The following KLHL29 variants were observed in gnomAD, a reference collection of about 807,000 sequenced individuals.
KLHL29 encodes the protein kelch-like protein 29.
Under a neutral mutation model 80.4 loss-of-function variants are expected in KLHL29, and 21 were observed. The ratio of observed to expected loss-of-function variants is 0.26; its 90% CI spans 0.19 to 0.38. The LOEUF (loss-of-function observed/expected upper bound fraction) is 0.38, where lower values mean the gene tolerates loss of function less well. KLHL29 is among the 10% of genes least tolerant of loss of function. KLHL29 has a pLI of 1.00. For missense variants in KLHL29, 867 were observed against 1,223.9 expected (o/e 0.71, Z 4.35); for synonymous variants, 511 against 526.8 (o/e 0.97, Z 0.41).
At chr2:23,450,401 T>C (rs190338530) in intron 1 of KLHL29, among the ~76,000 whole-genome samples, 1 of 152,218 alleles carries the variant, frequency 6.6e-6, no homozygotes, top group Non-Finnish European at 1.5e-5. Flanking sequence ...AATAACCTTA[T>C]AGGGCTCTCC....
chr2:23,445,654 G>A (rs774826766), intron 1 of KLHL29, among the ~76,000 whole-genome samples: 6 of 152,190 alleles, frequency 3.9e-5, no homozygotes, highest in Non-Finnish European at 7.3e-5. Context: ...ATGAAAACAG[G>A]TGTAATTTGT....
intron 5 of KLHL29, among the ~76,000 whole-genome samples, chr2:23,646,502 A>G (rs959111862): frequency 1.3e-5 from 2 of 152,240 alleles, no homozygotes; most frequent in African/African-American, 2.4e-5. Context: ...CTTCTAGACC[A>G]GAAAGCAAAG....
intron 1 of KLHL29, among the ~76,000 whole-genome samples, chr2:23,438,678 A>G (rs1663418494): frequency 6.7e-6 from 1 of 149,712 alleles, no homozygotes; most frequent in South Asian, 2.2e-4. Flanking sequence ...ATCGTGGTGG[A>G]TAAGCTTTTT....
intron 3 of KLHL29, among the ~76,000 whole-genome samples, chr2:23,618,431 C>T (rs1170600682): frequency 6.6e-6 from 1 of 152,194 alleles, no homozygotes; most frequent in African/African-American, 2.4e-5. Flanking sequence ...GGGAAGGCCT[C>T]ATCCGATCAG....
rs1477506228 is a variant in KLHL29, at chr2:23,681,022, T to A, written c.941-3377T>A. On this transcript the variant is annotated intron_variant, in intron 5 of 13. Transcript: ENST00000486442. This position sits in a 1 kb window ranked among gnomAD's most constrained non-coding sequence, Gnocchi z 4.2. ...GAAGCTTCTCAGAGATCAGGGAGTG[T>A]CCTTTGCCAAAACATGGGGCAGGGA... Among the ~76,000 whole-genome samples, 1 of 152,200 alleles carries A rather than the reference T, an allele frequency of 6.6e-6. No individual in the cohort carries two copies. Among genetic ancestry groups the A allele is most frequent in the Non-Finnish European group, 1.5e-5 (1 of 68,024 alleles).
At chr2:23,565,135 G>A (rs79094099) in intron 3 of KLHL29, among the ~76,000 whole-genome samples, 3,536 of 152,268 alleles carry the variant, frequency 0.023, 49 homozygotes, top group Middle Eastern at 0.037. Context: ...GTCTCATATT[G>A]GTGCTGACCT....
At chr2:23,626,253 A>G (rs1465420499) in intron 3 of KLHL29, among the ~76,000 whole-genome samples, 2 of 152,184 alleles carry the variant, frequency 1.3e-5, no homozygotes, top group African/African-American at 2.4e-5. Flanking sequence ...ATCTGACAGG[A>G]GGCGGAGCTC....
At chr2:23,586,695 C>T (rs1366650658) in intron 3 of KLHL29, among the ~76,000 whole-genome samples, 1 of 152,150 alleles carries the variant, frequency 6.6e-6, no homozygotes, top group African/African-American at 2.4e-5. Context: ...CGGGGGATGA[C>T]CTCAGGAAAC....
chr2:23,468,483 A>G (rs1664410353), intron 1 of KLHL29, among the ~76,000 whole-genome samples: 2 of 152,196 alleles, frequency 1.3e-5, no homozygotes, highest in Admixed American at 1.3e-4. Flanking sequence ...TGTTCCCATC[A>G]TTCCTCTTTA....
At chr2:23,491,786 G>A (rs74861201) in intron 2 of KLHL29, among the ~76,000 whole-genome samples, 3,261 of 152,194 alleles carry the variant, frequency 0.021, 50 homozygotes, top group South Asian at 0.045. Flanking sequence ...GTGCGACCTC[G>A]CTGAACTCCA....
intron 1 of KLHL29, among the ~76,000 whole-genome samples, chr2:23,452,873 G>A (rs748170091): frequency 6.6e-6 from 1 of 151,686 alleles, no homozygotes; most frequent in African/African-American, 2.4e-5. Context: ...GAGTAAGTGG[G>A]CTCTGTTGAG....
intron 2 of KLHL29, among the ~76,000 whole-genome samples, chr2:23,487,440 A>G (rs147846162): frequency 8.5e-5 from 13 of 152,272 alleles, no homozygotes; most frequent in African/African-American, 7.2e-5. Context: ...GCCTCTGGCT[A>G]TACCCCCTGG....
At chr2:23,671,180 T>A (rs888095041) in intron 5 of KLHL29, among the ~76,000 whole-genome samples, 1 of 151,822 alleles carries the variant, frequency 6.6e-6, no homozygotes, top group African/African-American at 2.4e-5. Flanking sequence ...GTTCACTAAT[T>A]CTTGCAAATC....
rs916325843 is a variant in KLHL29, at chr2:23,700,283, G to GTTGT, written c.2106-2900_2106-2897dup. 5.3e-5 allele frequency among the ~76,000 whole-genome samples: 8 copies of GTTGT among 152,198 alleles called. No homozygotes were observed. The highest frequency in any genetic ancestry group is 1.0e-4 in the Non-Finnish European group (7 of 68,032). ...TTAAAATTACAGGAACTCTGAGCCAGTTGTTTTAACCACAAAAATTTAACA... is the reference window on the plus strand; with the variant it reads ...TTAAAATTACAGGAACTCTGAGCCAGTTGTTTGTTTTAACCACAAAAATTTAACA... On this transcript the variant is annotated intron_variant, in intron 11 of 13. Transcript: ENST00000486442. The surrounding 1 kb of genome is among the most constrained non-coding windows in gnomAD (Gnocchi z 4.6).
intron 3 of KLHL29, among the ~76,000 whole-genome samples, chr2:23,609,382 A>G (rs1231613336): frequency 6.6e-6 from 1 of 152,122 alleles, no homozygotes; most frequent in African/African-American, 2.4e-5. Context: ...GTGAGGACTG[A>G]AAAGTCATTG....
chr2:23,583,685 G>A (rs542165867), intron 3 of KLHL29, among the ~76,000 whole-genome samples: 2 of 152,268 alleles, frequency 1.3e-5, no homozygotes, highest in South Asian at 2.1e-4. Flanking sequence ...GGACTCTTAC[G>A]TAGCTGGAGT....
chr2:23,577,208 G>A (rs1317923544), intron 3 of KLHL29, among the ~76,000 whole-genome samples: 1 of 152,234 alleles, frequency 6.6e-6, no homozygotes, highest in Non-Finnish European at 1.5e-5. Flanking sequence ...CCAGCACTTT[G>A]GGAGGCCGAG....
In KLHL29 at chr2:23,682,832, G is replaced by A. The variant is rs1285081372; in HGVS notation, c.941-1567G>A. On this transcript the variant is annotated intron_variant, in intron 5 of 13. Transcript: ENST00000486442. The surrounding 1 kb of genome is among the most constrained non-coding windows in gnomAD (Gnocchi z 4.1). ...CAGAGCCCCCTTCCGCACCCCTGGAGATGCTCTGCTGTGACTCCAGACTCA... is the reference window on the plus strand; with the variant it reads ...CAGAGCCCCCTTCCGCACCCCTGGAAATGCTCTGCTGTGACTCCAGACTCA... 6.6e-6 allele frequency among the ~76,000 whole-genome samples: 1 copy of A among 152,194 alleles called. No individual in the cohort carries two copies.
In KLHL29 at chr2:23,671,327, G is replaced by A. The variant is rs116019179; in HGVS notation, c.941-13072G>A. ...CTCTCTGCTGCCTGCCCCATGCCCA[G>A]TTCTCTCTGCGTCTCTTTCCACTCC... On this transcript the variant is annotated intron_variant, in intron 5 of 13. Coordinates refer to ENST00000486442, the MANE Select transcript of KLHL29 (RefSeq NM_052920.2). Among the ~76,000 whole-genome samples, 1,129 of 152,014 alleles carry A rather than the reference G, an allele frequency of 7.4e-3. 9 individuals are homozygous for A. The highest frequency in any genetic ancestry group is 0.01 in the Non-Finnish European group (701 of 67,980).
Sources: gnomAD v4.1 joint callset for allele counts (sites outside exome capture counted in the v4.1 genomes callset) on GRCh38, gnomAD v4.1.1 for gene constraint, Gnocchi (gnomAD v3.1) non-coding constraint, MANE v1.5 for transcripts, NCBI Gene and HGNC (gene_info 2026-07-23, HGNC 2026-07-21) for gene names.